NUP188: variants seen among roughly 807,000 people sequenced by gnomAD.
NUP188 encodes nucleoporin NUP188.
NUP188 carries 97 observed loss-of-function variants against 223.0 expected under a neutral mutation model. The observed-to-expected ratio is 0.43, with a 90% CI of 0.37 to 0.51. The LOEUF is 0.51. NUP188 is among the 20% of genes least tolerant of loss of function. The probability of loss-of-function intolerance (pLI) is 0.00; values close to 1 mark genes in which losing one functional copy is unlikely to be tolerated. For synonymous variants in NUP188, 869 were observed against 828.0 expected, an observed-to-expected ratio of 1.05 and a Z score of -0.85; for missense variants, 1,947 against 2,175.6, an observed-to-expected ratio of 0.89 and a Z score of 2.09.
intron 12 of NUP188, among the ~76,000 whole-genome samples, chr9:128,974,947 G>T (rs1045596027): frequency 6.6e-6 from 1 of 151,660 alleles, no homozygotes; most frequent in Non-Finnish European, 1.5e-5. Context: ...TTCTTGAAGA[G>T]ATGGAGTTTT....
In NUP188 at chr9:128,999,802, T is replaced by G; in HGVS notation, c.3840T>G (p.Asp1280Glu). Residue 1280 changes from aspartate (D) to glutamate (E), a missense_variant, in exon 34 of 44, where the codon GAT becomes GAG. Around this residue, in one of 3 missense-constraint regions of NUP188, gnomAD observed 905 missense variants for 990.6 expected, o/e 0.91. Coordinates refer to ENST00000372577, the MANE Select transcript of NUP188 (RefSeq NM_015354.3). ...GGTCCCGGCACAGGGACCAGCGTGA[T>G]GGGGTGAGACAGTGCCCTAGAAGGC... ...CSRSRHRDQR[D>E]GVCVLGLHLA... The G allele has an allele frequency of 1.2e-6, 2 of 1,614,132 alleles. No homozygotes were observed. The highest frequency in any genetic ancestry group is 1.7e-6 in the Non-Finnish European group (2 of 1,180,012).
chr9:128,976,764 T>TA (rs1231675314), intron 12 of NUP188, among the ~76,000 whole-genome samples: 2 of 151,902 alleles, frequency 1.3e-5, no homozygotes, highest in Admixed American at 6.6e-5. Flanking sequence ...GACCTGACCT[T>TA]ACACCTGGAG....
At chr9:128,962,880 A>C (rs1311220212) in intron 8 of NUP188, among the ~76,000 whole-genome samples, 1 of 152,244 alleles carries the variant, frequency 6.6e-6, no homozygotes, top group Non-Finnish European at 1.5e-5. Flanking sequence ...AAATTGTGAT[A>C]AAATAGACAT....
At chr9:128,984,326 G>A (rs905028497) in intron 19 of NUP188, among the ~76,000 whole-genome samples, 7 of 151,524 alleles carry the variant, frequency 4.6e-5, no homozygotes, top group Admixed American at 4.0e-4. Context: ...GTGTTTCACC[G>A]TGTTGGCCAG....
chr9:128,983,158 A>G (rs182764032), intron 17 of NUP188, 130 bp downstream of exon 17: 32 of 1,436,620 alleles, frequency 2.2e-5, no homozygotes, highest in Admixed American at 1.4e-4. Flanking sequence ...TCCTGTTTTT[A>G]TATCTGTGAG....
rs1588277371 is a variant in NUP188, at chr9:128,973,368, C to T, written c.1203+119C>T. 4.6e-6 allele frequency: 3 copies of T among 647,048 alleles called. No homozygotes were observed. In the East Asian group the frequency reaches 8.6e-5, roughly 18 times the overall value. The allele number at this position is 647,048 out of a possible 1,614,324, so 40.1% of individuals were successfully genotyped here. ...TCATGTGTTAATTTGTTTACTGGCA[C>T]TCATTTTTTTATTTACTTTTTTCTT... On this transcript the variant is annotated intron_variant, in intron 12 of 43. Coordinates refer to ENST00000372577, the MANE Select transcript of NUP188 (RefSeq NM_015354.3).
chr9:128,978,020 C>CT (rs1412460008), intron 12 of NUP188, among the ~76,000 whole-genome samples: 13 of 152,100 alleles, frequency 8.5e-5, no homozygotes. Flanking sequence ...ATGAATTTGT[C>CT]TAACATTGTA....
intron 6 of NUP188, among the ~76,000 whole-genome samples, chr9:128,958,494 A>G (rs1283878684): frequency 6.6e-6 from 1 of 152,192 alleles, no homozygotes; most frequent in Non-Finnish European, 1.5e-5. Context: ...ATTTGTTTTT[A>G]TGTGTTTGGC....
chr9:128,974,066 G>A (rs540910578), intron 12 of NUP188, among the ~76,000 whole-genome samples: 2 of 152,014 alleles, frequency 1.3e-5, no homozygotes, highest in African/African-American at 4.8e-5. Context: ...GCCTGCCACC[G>A]CGCCCGGCTA....
At chr9:128,984,719 A>G (rs925994762) in intron 19 of NUP188, among the ~76,000 whole-genome samples, 181 bp from the exon 20 acceptor site, 7 of 152,224 alleles carry the variant, frequency 4.6e-5, no homozygotes, top group Non-Finnish European at 1.0e-4. Flanking sequence ...TTTTACATCA[A>G]TAAAACATGT....
At chr9:129,006,446 G>A (rs1374006819) in intron 43 of NUP188, 56 bp from the exon 44 acceptor site, 6 of 1,612,446 alleles carry the variant, frequency 3.7e-6, no homozygotes, top group Non-Finnish European at 5.1e-6. Flanking sequence ...AACCCCCAAG[G>A]GTCAGAACAG....
intron 15 of NUP188, among the ~76,000 whole-genome samples, chr9:128,982,145 G>C (rs1192614558): frequency 6.6e-6 from 1 of 151,728 alleles, no homozygotes; most frequent in Non-Finnish European, 1.5e-5. Flanking sequence ...AAAGCTTTAG[G>C]AATGTTAGCT....
chr9:128,981,941 G>A (rs1478707853), intron 15 of NUP188, among the ~76,000 whole-genome samples: 1 of 152,024 alleles, frequency 6.6e-6, no homozygotes, highest in Non-Finnish European at 1.5e-5. Context: ...GTCGGGCGTG[G>A]TGGTGCATGC....
chr9:128,984,628 T>C (rs1480459058), intron 19 of NUP188, among the ~76,000 whole-genome samples: 1 of 152,236 alleles, frequency 6.6e-6, no homozygotes, highest in Non-Finnish European at 1.5e-5. Flanking sequence ...TCCATCTTAC[T>C]ACCTGAGCAT....
intron 2 of NUP188, among the ~76,000 whole-genome samples, chr9:128,951,999 G>A (rs886243110): frequency 6.6e-6 from 1 of 152,026 alleles, no homozygotes; most frequent in African/African-American, 2.4e-5. Context: ...CTCCATGTTG[G>A]TCAGGCTGGT....
intron 41 of NUP188, 116 bp downstream of exon 41, chr9:129,005,892 C>A (rs1842786495): frequency 7.0e-7 from 1 of 1,429,298 alleles, no homozygotes; most frequent in East Asian, 2.3e-5. Flanking sequence ...GCCTGCTCCT[C>A]TCTGTAAACT....
rs1460174256 is a variant in NUP188 at position 128,959,142 on chromosome 9, G to GT, written c.585+10dup. 4 of 1,575,560 alleles carry GT rather than the reference G, an allele frequency of 2.5e-6. No homozygotes were observed. In the Admixed American group the frequency reaches 5.6e-5, roughly 22 times the overall value. ...ACACATGGAAATCTCATGGTATGTG[G>GT]TTACTGTGCTCTCCTGTAACTTTTT... is the stretch of plus-strand genomic sequence containing the variant. On this transcript the variant is annotated intron_variant, in intron 8 of 43. Coordinates refer to ENST00000372577, the MANE Select transcript of NUP188 (RefSeq NM_015354.3).
chr9:129,001,903 G>C lies in NUP188; in HGVS notation c.4064G>C (p.Gly1355Ala), dbSNP rs766939835. Residue 1355 changes from glycine to alanine, a missense_variant, in exon 36 of 44, where the codon GGA becomes GCA. Gly to Ala is a moderately conservative substitution (Grantham distance 60, BLOSUM62 0). This residue lies in a region of NUP188 where 905 missense variants were observed against 990.6 expected (regional missense o/e 0.91). Coordinates refer to ENST00000372577, the MANE Select transcript of NUP188 (RefSeq NM_015354.3). ...RTQQGATAVA[G>A]AGITQSICLP... is the part of the protein sequence containing the mutation. Reference sequence around the variant, plus strand: ...TCCCAGGGAGCCACAGCAGTGGCTGGAGCTGGCATCACCCAGAGCATTTGT... The same window carrying C: ...TCCCAGGGAGCCACAGCAGTGGCTGCAGCTGGCATCACCCAGAGCATTTGT... The C allele has an allele frequency of 4.3e-6, 7 of 1,614,116 alleles. No homozygotes were observed. The South Asian group carries it at 7.7e-5, about 18-fold the overall frequency.
At position 128,999,776 on chromosome 9, in the gene NUP188, C is replaced by T. The variant is rs753218201; in HGVS notation, c.3814C>T (p.Arg1272Trp). 27 of 1,614,078 alleles carry T rather than the reference C, an allele frequency of 1.7e-5. No homozygotes were observed. The highest frequency in any genetic ancestry group is 2.1e-5 in the Non-Finnish European group (25 of 1,180,050). The change falls in exon 34 of 44, where the codon CGG (arginine) becomes TGG (tryptophan). Residue 1272 changes from arginine (R) to tryptophan (W), a missense_variant. Physicochemically the swap from Arg to Trp is moderately radical, Grantham distance 101. Around this residue, in one of 3 missense-constraint regions of NUP188, gnomAD observed 905 missense variants for 990.6 expected, o/e 0.91. Coordinates refer to ENST00000372577, the MANE Select transcript of NUP188 (RefSeq NM_015354.3). ...CAGCATGGAGACTGACGACTGTTCT[C>T]GGTCCCGGCACAGGGACCAGCGTGA... is the stretch of plus-strand genomic sequence containing the variant. The part of the protein sequence containing the change: ...KDSMETDDCS[R>W]SRHRDQRDGV...
Sources: gnomAD v4.1 joint callset for allele counts (sites outside exome capture counted in the v4.1 genomes callset) on GRCh38, gnomAD v4.1.1 for gene constraint, gnomAD v4.1.1 regional missense constraint, MANE v1.5 for transcripts, NCBI Gene and HGNC (gene_info 2026-07-23, HGNC 2026-07-21) for gene names.